RAB11FIP4: variants seen among roughly 807,000 people sequenced by gnomAD.
RAB11FIP4 encodes the protein RAB11 family interacting protein 4.
In RAB11FIP4, 23 loss-of-function variants were observed where a neutral mutation model predicts 74.3. The observed-to-expected ratio is 0.31, with a 90% CI of 0.22 to 0.44. RAB11FIP4 has a LOEUF of 0.44. Among genes scored for constraint, RAB11FIP4 ranks in the 20% least tolerant of loss-of-function variants. The pLI, the probability that RAB11FIP4 is intolerant of heterozygous loss-of-function variation, is 1.00. For missense variants in RAB11FIP4, 630 were observed against 863.9 expected (o/e 0.73, Z 3.39); for synonymous variants, 360 against 359.9 (o/e 1.00, Z 0.00).
intron 3 of RAB11FIP4, among the ~76,000 whole-genome samples, chr17:31,452,257 G>T (rs1715698691): frequency 6.6e-6 from 1 of 152,112 alleles, no homozygotes; most frequent in African/African-American, 2.4e-5. Context: ...GGCATAGAGA[G>T]GCTGTTGGTG....
chr17:31,472,309 G>A (rs919256189), intron 3 of RAB11FIP4, among the ~76,000 whole-genome samples: 4 of 152,204 alleles, frequency 2.6e-5, no homozygotes, highest in African/African-American at 9.7e-5. Flanking sequence ...CATACCCAGC[G>A]CAGGGAACCT....
At chr17:31,449,560 A>G (rs557383920) in intron 3 of RAB11FIP4, among the ~76,000 whole-genome samples, 2 of 152,122 alleles carry the variant, frequency 1.3e-5, no homozygotes, top group South Asian at 4.2e-4. Flanking sequence ...CTTCTTTTTG[A>G]GACAGGGGTC....
At chr17:31,400,856 G>A (rs959893359) in intron 1 of RAB11FIP4, among the ~76,000 whole-genome samples, 2 of 152,202 alleles carry the variant, frequency 1.3e-5, no homozygotes, top group Non-Finnish European at 2.9e-5. Flanking sequence ...AGCCCCCACC[G>A]CCTGGCACAT....
chr17:31,504,323 G>T (rs141255998), intron 3 of RAB11FIP4, among the ~76,000 whole-genome samples: 1 of 151,768 alleles, frequency 6.6e-6, no homozygotes, highest in African/African-American at 2.4e-5. Flanking sequence ...AGTAGAGATG[G>T]GGTTTCACTG....
intron 1 of RAB11FIP4, among the ~76,000 whole-genome samples, chr17:31,401,133 A>T (rs932058138): frequency 6.6e-6 from 1 of 152,106 alleles, no homozygotes; most frequent in South Asian, 2.1e-4. Flanking sequence ...TTAGCTGGGC[A>T]TGGTGGTGGG....
chr17:31,420,311 G>A (rs2071186938), intron 1 of RAB11FIP4, among the ~76,000 whole-genome samples: 1 of 152,034 alleles, frequency 6.6e-6, no homozygotes, highest in South Asian at 2.1e-4. Context: ...GCTCACTGCA[G>A]CCTTGACCTC....
intron 1 of RAB11FIP4, among the ~76,000 whole-genome samples, chr17:31,407,269 G>A (rs2071052153): frequency 6.6e-6 from 1 of 151,838 alleles, no homozygotes; most frequent in Admixed American, 6.6e-5. Flanking sequence ...AGCTTGTCTT[G>A]AACTCCTGGG....
intron 3 of RAB11FIP4, among the ~76,000 whole-genome samples, chr17:31,479,892 A>T (rs2071830003): frequency 6.6e-6 from 1 of 152,092 alleles, no homozygotes; most frequent in South Asian, 2.1e-4. Context: ...GTGAAATGGG[A>T]TCCCTTCCAG....
chr17:31,441,561 C>T (rs1277553985), intron 3 of RAB11FIP4, among the ~76,000 whole-genome samples: 1 of 150,722 alleles, frequency 6.6e-6, no homozygotes, highest in Non-Finnish European at 1.5e-5. Context: ...GGGTCTTGCT[C>T]TTATTGCCCA....
At chr17:31,484,063 GATCTT>G (rs1464944981) in intron 3 of RAB11FIP4, among the ~76,000 whole-genome samples, 2 of 140,002 alleles carry the variant, frequency 1.4e-5, no homozygotes, top group East Asian at 2.1e-4. Context: ...AACAGAGCAA[GATCTT>G]ATCTTTTTTT....
chr17:31,501,006 A>G (rs1463537436), intron 3 of RAB11FIP4, among the ~76,000 whole-genome samples: 2 of 148,800 alleles, frequency 1.3e-5, no homozygotes, highest in Non-Finnish European at 3.0e-5. Flanking sequence ...CTGGTGACAG[A>G]GTGAGACTCC....
At chr17:31,473,087 T>G (rs905201240) in intron 3 of RAB11FIP4, among the ~76,000 whole-genome samples, 9 of 148,052 alleles carry the variant, frequency 6.1e-5, no homozygotes, top group Non-Finnish European at 1.2e-4. Context: ...GGTGGGGGAG[T>G]GGGAAAGAGC....
chr17:31,429,192 G>A (rs985862805), intron 1 of RAB11FIP4, among the ~76,000 whole-genome samples: 1 of 152,142 alleles, frequency 6.6e-6, no homozygotes, highest in Non-Finnish European at 1.5e-5. Flanking sequence ...TGATCAGAAT[G>A]GACAGGGTCC....
chr17:31,450,709 A>C (rs2071518556), intron 3 of RAB11FIP4, among the ~76,000 whole-genome samples: 1 of 151,368 alleles, frequency 6.6e-6, no homozygotes, highest in Non-Finnish European at 1.5e-5. Context: ...TTGGTCCCAG[A>C]ACTCTAAAAG....
intron 6 of RAB11FIP4, 101 bp from the exon 7 acceptor site, chr17:31,522,259 G>C: frequency 1.5e-6 from 2 of 1,351,746 alleles, no homozygotes; most frequent in Non-Finnish European, 2.1e-6. Flanking sequence ...TCAGTGGGAG[G>C]GAAGAGCCTT....
At chr17:31,479,091 T>A (rs2071822201) in intron 3 of RAB11FIP4, among the ~76,000 whole-genome samples, 1 of 152,232 alleles carries the variant, frequency 6.6e-6, no homozygotes, top group Non-Finnish European at 1.5e-5. Flanking sequence ...CTCAGTTTCC[T>A]TATTTGTTTC....
chr17:31,405,992 A>T (rs1021468670), intron 1 of RAB11FIP4, among the ~76,000 whole-genome samples: 1 of 152,044 alleles, frequency 6.6e-6, no homozygotes, highest in Non-Finnish European at 1.5e-5. Context: ...GTCTGCACTA[A>T]TAGTGCAGAC....
chr17:31,416,189 G>T (rs2071146407), intron 1 of RAB11FIP4, among the ~76,000 whole-genome samples: 1 of 152,174 alleles, frequency 6.6e-6, no homozygotes, highest in African/African-American at 2.4e-5. Flanking sequence ...TGCCCTGGGC[G>T]CCACTAATTG....
chr17:31,437,037 G>T (rs1436592905), intron 3 of RAB11FIP4, among the ~76,000 whole-genome samples: 1 of 151,916 alleles, frequency 6.6e-6, no homozygotes. Flanking sequence ...TGATCCACCC[G>T]CCTCGGCCTC....
Sources: allele counts gnomAD v4.1 joint callset (sites outside exome capture counted in the v4.1 genomes callset), GRCh38; gene constraint gnomAD v4.1.1; transcripts MANE v1.5; gene names NCBI Gene and HGNC (gene_info 2026-07-23, HGNC 2026-07-21).